PRKN: variants seen among roughly 807,000 people sequenced by gnomAD.
The protein encoded by PRKN is parkin RBR E3 ubiquitin protein ligase, also known as E3 ubiquitin-protein ligase parkin.
PRKN carries 56 observed loss-of-function variants against 59.5 expected under a neutral mutation model. The ratio of observed to expected loss-of-function variants is 0.94; its 90% confidence interval spans 0.76 to 1.18. The LOEUF (loss-of-function observed/expected upper bound fraction) is 1.18. Among genes scored for constraint, PRKN ranks in the 50% most tolerant of loss-of-function variants. The pLI is 0.00. For missense variants in PRKN, 657 were observed against 596.4 expected (o/e 1.10, Z -1.06); for synonymous variants, 250 against 222.1 (o/e 1.13, Z -1.12).
intron 7 of PRKN, among the ~76,000 whole-genome samples, chr6:161,690,002 G>A (rs1253461032): frequency 1.3e-5 from 2 of 152,064 alleles, no homozygotes; most frequent in African/African-American, 2.4e-5. Context: ...ATGACACACC[G>A]CAGCTGGCCA....
At chr6:162,689,848 G>T (rs1483849059) in intron 1 of PRKN, among the ~76,000 whole-genome samples, 1 of 152,304 alleles carries the variant, frequency 6.6e-6, no homozygotes, top group African/African-American at 2.4e-5. Flanking sequence ...GCCTGTGACT[G>T]CATGCCCTGC....
At chr6:162,113,056 T>C (rs1954922) in intron 4 of PRKN, among the ~76,000 whole-genome samples, 1 of 152,210 alleles carries the variant, frequency 6.6e-6, no homozygotes, top group African/African-American at 2.4e-5. Context: ...ATGAAAACAG[T>C]CTTCAAGTTC....
Position 161,550,508 on chromosome 6 carries a change from G to A in PRKN, c.934-1505C>T. On this transcript the variant is annotated intron_variant, in intron 8 of 11. Transcript: ENST00000366898. The surrounding 1 kb of genome is among the most constrained non-coding windows in gnomAD (Gnocchi z 4.0). The stretch of plus-strand genomic sequence containing the variant: ...TTATGTCAACATCTATGCAAAAGAT[G>A]GCACTGGCTTGAACCGGGAAGGTAG... Among the ~76,000 whole-genome samples the A allele has an allele frequency of 6.6e-6, 1 of 152,192 alleles. No homozygotes were observed. Among genetic ancestry groups the A allele is most frequent in the East Asian group, 1.9e-4 (1 of 5,190 alleles).
rs1330611213 is a variant in PRKN, at chr6:161,362,305, C to G, written c.1168-2100G>C. ...AAACCCTTAAAGACAGCAAATCCTC[C>G]TGGTTCGGGAGGAAGGAACCTGGCA... is the stretch of plus-strand genomic sequence containing the variant. On this transcript the variant is annotated intron_variant, in intron 10 of 11. Transcript: ENST00000366898. This position sits in a 1 kb window ranked among gnomAD's most constrained non-coding sequence, Gnocchi z 5.2. 6.6e-6 allele frequency among the ~76,000 whole-genome samples: 1 copy of G among 152,194 alleles called. No individual in the cohort carries two copies. Among genetic ancestry groups the G allele is most frequent in the Non-Finnish European group, 1.5e-5 (1 of 68,040 alleles).
rs376091823 is a variant in PRKN, at chr6:161,407,329, G to A, written c.1084-20452C>T. On this transcript the variant is annotated intron_variant, in intron 9 of 11. Transcript: ENST00000366898. The surrounding 1 kb of genome is among the most constrained non-coding windows in gnomAD (Gnocchi z 4.9). Reference sequence around the variant, plus strand: ...CTCATTTGGCAAAGCTGAAAAGGGAGGGGCTGGGGAAGGGGGCAGCTGCAC... The same window carrying A: ...CTCATTTGGCAAAGCTGAAAAGGGAAGGGCTGGGGAAGGGGGCAGCTGCAC... Among the ~76,000 whole-genome samples the A allele has an allele frequency of 7.9e-5, 12 of 152,084 alleles. No homozygotes were observed. In the East Asian group the frequency reaches 2.3e-3, roughly 29 times the overall value.
chr6:162,716,860 G>A (rs1473523702), intron 1 of PRKN, among the ~76,000 whole-genome samples: 3 of 151,932 alleles, frequency 2.0e-5, no homozygotes, highest in African/African-American at 4.8e-5. Context: ...CTCACAATAG[G>A]CAAAAATCAA....
chr6:162,235,989 G>GAAAGAA (rs1778683755), intron 3 of PRKN, among the ~76,000 whole-genome samples: 1 of 131,424 alleles, frequency 7.6e-6, no homozygotes, highest in African/African-American at 2.9e-5. Context: ...AAGAAAGAAA[G>GAAAGAA]AAAGAAAGAA....
intron 7 of PRKN, among the ~76,000 whole-genome samples, chr6:161,709,262 C>T (rs1007184876): frequency 1.3e-5 from 2 of 152,138 alleles, no homozygotes; most frequent in East Asian, 1.9e-4. Context: ...TAAAGTTTCT[C>T]ACTTCAACTG....
intron 1 of PRKN, among the ~76,000 whole-genome samples, chr6:162,635,129 G>T (rs1777658896): frequency 6.6e-6 from 1 of 152,006 alleles, no homozygotes; most frequent in African/African-American, 2.4e-5. Context: ...GACAGTCCTG[G>T]GTGCTCACAA....
At chr6:161,715,989 C>T in intron 7 of PRKN, 1 of 640,790 alleles carries the variant, frequency 1.6e-6, no homozygotes. Context: ...GGGGTGGGGC[C>T]CTGTGATCTA....
At chr6:162,321,672 G>C (rs1783029975) in intron 2 of PRKN, among the ~76,000 whole-genome samples, 1 of 151,892 alleles carries the variant, frequency 6.6e-6, no homozygotes, top group Admixed American at 6.6e-5. Flanking sequence ...TGACTGAATG[G>C]GGTTTCACCC....
rs1329815708 is a variant in PRKN, at chr6:162,478,221, TA to T, written c.8-34749del. 2.0e-5 allele frequency among the ~76,000 whole-genome samples: 3 copies of T among 152,212 alleles called. No individual in the cohort carries two copies. In the East Asian group the frequency reaches 5.8e-4, roughly 29 times the overall value. ...TGGATATTCTCTTTCTGGCCTAGTA[TA>T]TAACCTCCCTGATTCAGGCTGCGGC... On this transcript the variant is annotated intron_variant, in intron 1 of 11. Transcript: ENST00000366898.
chr6:162,257,186 T>A (rs1779671186), intron 3 of PRKN, among the ~76,000 whole-genome samples: 1 of 152,118 alleles, frequency 6.6e-6, no homozygotes, highest in South Asian at 2.1e-4. Context: ...AGCAAAAACA[T>A]GGGGCTGGGT....
intron 1 of PRKN, among the ~76,000 whole-genome samples, chr6:162,498,627 T>C (rs989488980): frequency 5.3e-5 from 8 of 151,502 alleles, no homozygotes; most frequent in Non-Finnish European, 1.0e-4. Flanking sequence ...GTATTTTTAG[T>C]AGAGATGGGG....
chr6:162,289,034 A>G (rs574744530), intron 2 of PRKN, among the ~76,000 whole-genome samples: 1 of 152,290 alleles, frequency 6.6e-6, no homozygotes, highest in Non-Finnish European at 1.5e-5. Flanking sequence ...GTAGTTTCCT[A>G]CACATGGGTT....
intron 1 of PRKN, among the ~76,000 whole-genome samples, chr6:162,633,431 T>TAAAAAAAA (rs1777589738): frequency 1.0e-4 from 1 of 9,834 alleles, no homozygotes; most frequent in Admixed American, 2.1e-3. Context: ...CAAGACTGTC[T>TAAAAAAAA]CAAAAAAAAA....
chr6:162,235,234 T>C (rs1778599178), intron 3 of PRKN, among the ~76,000 whole-genome samples: 1 of 152,200 alleles, frequency 6.6e-6, no homozygotes, highest in African/African-American at 2.4e-5. Flanking sequence ...AGAGGTAAAC[T>C]GGGAATCTGA....
intron 2 of PRKN, among the ~76,000 whole-genome samples, chr6:162,442,784 G>A (rs1790120401): frequency 6.6e-6 from 1 of 152,092 alleles, no homozygotes; most frequent in East Asian, 1.9e-4. Flanking sequence ...AGAACTGTGC[G>A]ATTCTGGTCC....
intron 3 of PRKN, among the ~76,000 whole-genome samples, chr6:162,221,289 A>T (rs988014399): frequency 6.6e-6 from 1 of 152,158 alleles, no homozygotes; most frequent in Non-Finnish European, 1.5e-5. Flanking sequence ...CTGAATTTGC[A>T]GCAAAATGAA....
Sources: allele counts gnomAD v4.1 joint callset (sites outside exome capture counted in the v4.1 genomes callset), GRCh38; gene constraint gnomAD v4.1.1; non-coding constraint Gnocchi (gnomAD v3.1); transcripts MANE v1.5; gene names NCBI Gene and HGNC (gene_info 2026-07-23, HGNC 2026-07-21).